BLTP1: variants seen among roughly 807,000 people sequenced by gnomAD.
The protein encoded by BLTP1 is bridge-like lipid transfer protein family member 1, also known as fragile site-associated protein.
At chr4:122,255,954 C>T in the BLTP1 span, 1 of 594,600 alleles carries the variant, frequency 1.7e-6, no homozygotes, top group Non-Finnish European at 2.1e-6. Flanking sequence ...AGAGAATAAT[C>T]ACCAGAGCCA....
chr4:122,210,964 T>C, the BLTP1 span: 3 of 1,612,596 alleles, frequency 1.9e-6, no homozygotes, highest in Non-Finnish European at 2.5e-6. Context: ...TTCTTCTCCC[T>C]CTACTTCTTC....
the BLTP1 span, among the ~76,000 whole-genome samples, chr4:122,160,118 G>A: frequency 6.6e-6 from 1 of 152,164 alleles, no homozygotes; most frequent in Admixed American, 6.5e-5. Context: ...TTGTTAAGGA[G>A]CCTAAGTTTG....
At chr4:122,290,786 CAAAAAAAA>C in the BLTP1 span, 19 of 22,622 alleles carry the variant, frequency 8.4e-4, no homozygotes, top group Admixed American at 8.8e-3. Flanking sequence ...GATTCCGTCT[CAAAAAAAA>C]AAAAAAAAAA....
the BLTP1 span, chr4:122,333,700 A>T: frequency 6.2e-7 from 1 of 1,612,234 alleles, no homozygotes; most frequent in Non-Finnish European, 8.5e-7. Context: ...CAAACTAATT[A>T]TGCTTCTACC....
At chr4:122,302,283 C>CGCTAA in the BLTP1 span, 1 of 977,742 alleles carries the variant, frequency 1.0e-6, no homozygotes, top group Non-Finnish European at 1.2e-6. Context: ...GTTCATTAGA[C>CGCTAA]ATATCCTATA....
At chr4:122,275,960 C>T in the BLTP1 span, 1 of 1,538,176 alleles carries the variant, frequency 6.5e-7, no homozygotes, top group Non-Finnish European at 8.7e-7. Context: ...TCTCTTGACT[C>T]TTCATCTGTA....
chr4:122,249,470 C>A, the BLTP1 span: 1 of 1,607,476 alleles, frequency 6.2e-7, no homozygotes, highest in South Asian at 1.1e-5. Flanking sequence ...TCATTTTGCT[C>A]TCTTTTGATA....
the BLTP1 span, chr4:122,207,339 A>G: frequency 7.0e-7 from 1 of 1,431,984 alleles, no homozygotes; most frequent in Non-Finnish European, 9.5e-7. Context: ...ATTAGTATTG[A>G]TTTGATAGTT....
At chr4:122,226,418 T>C in the BLTP1 span, 1 of 1,137,980 alleles carries the variant, frequency 8.8e-7, no homozygotes, top group South Asian at 2.3e-5. Context: ...TATATAACCT[T>C]GAATAAAAGG....
the BLTP1 span, among the ~76,000 whole-genome samples, chr4:122,284,038 A>T: frequency 3.3e-5 from 5 of 152,214 alleles, no homozygotes; most frequent in East Asian, 5.8e-4. Flanking sequence ...CTTTTACAAG[A>T]TGTATTTATT....
chr4:122,331,380 A>G, the BLTP1 span: 692 of 1,611,952 alleles, frequency 4.3e-4, 12 homozygotes, highest in South Asian at 6.7e-3. Context: ...AGCTATTTAC[A>G]GAACGCTGGC....
the BLTP1 span, chr4:122,305,939 A>T: frequency 2.5e-6 from 4 of 1,612,050 alleles, no homozygotes; most frequent in Non-Finnish European, 3.4e-6. Context: ...GAATTGGATT[A>T]AGAAATGCCC....
the BLTP1 span, chr4:122,286,464 AC>A: frequency 6.3e-7 from 1 of 1,578,406 alleles, no homozygotes; most frequent in Non-Finnish European, 8.6e-7. Flanking sequence ...TTTCTTAGAT[AC>A]CCTTTTTGGA....
chr4:122,347,494 T>G, the BLTP1 span: 1 of 1,588,272 alleles, frequency 6.3e-7, no homozygotes, highest in Non-Finnish European at 8.6e-7. Context: ...CTTTGGATTT[T>G]TTGTTTGTTT....
chr4:122,275,893 A>G, the BLTP1 span: 40 of 1,391,014 alleles, frequency 2.9e-5, no homozygotes, highest in Middle Eastern at 1.9e-4. Flanking sequence ...ATGATTGGTC[A>G]TATTGTAACT....
chr4:122,226,930 C>A, the BLTP1 span: 1 of 881,434 alleles, frequency 1.1e-6, no homozygotes, highest in Non-Finnish European at 1.6e-6. Context: ...TACACATAGC[C>A]ATGCAGCAAA....
the BLTP1 span, chr4:122,256,899 G>GA: frequency 4.7e-6 from 1 of 214,846 alleles, no homozygotes; most frequent in Non-Finnish European, 8.0e-6. Context: ...GTTCCAAGTA[G>GA]CTCAAAATGC....
At chr4:122,250,105 A>T in the BLTP1 span, 2 of 598,862 alleles carry the variant, frequency 3.3e-6, no homozygotes, top group Non-Finnish European at 4.2e-6. Context: ...TAATAGCTCA[A>T]AAAGGAAGGT....
the BLTP1 span, chr4:122,180,114 T>C: frequency 1.0e-6 from 1 of 984,952 alleles, no homozygotes; most frequent in Non-Finnish European, 1.2e-6. Flanking sequence ...AATGGCTGCA[T>C]TGGATTCTTC....
Sources: gnomAD v4.1 joint callset for allele counts (sites outside exome capture counted in the v4.1 genomes callset) on GRCh38, gnomAD v4.1.1 for gene constraint, MANE v1.5 for transcripts, NCBI Gene and HGNC (gene_info 2026-07-23, HGNC 2026-07-21) for gene names.